CATSPERE: variants seen among roughly 807,000 people sequenced by gnomAD.
CATSPERE encodes the protein cation channel sperm-associated auxiliary subunit epsilon.
Under a neutral mutation model 114.1 loss-of-function variants are expected in CATSPERE, and 93 were observed. The observed-to-expected ratio is 0.81, with a 90% CI of 0.69 to 0.97. The LOEUF is 0.97. Ranked by LOEUF, CATSPERE falls within the 50% of genes least tolerant of loss-of-function variation. The probability of loss-of-function intolerance (pLI) is 0.00; values close to 1 mark genes in which losing one functional copy is unlikely to be tolerated. For missense variants in CATSPERE, 1,058 were observed against 1,131.6 expected (o/e 0.93, Z 0.93); for synonymous variants, 341 against 384.1 (o/e 0.89, Z 1.31).
chr1:244,495,370 C>T (rs943845880), intron 6 of CATSPERE, among the ~76,000 whole-genome samples: 4 of 152,068 alleles, frequency 2.6e-5, no homozygotes, highest in Non-Finnish European at 4.4e-5. Flanking sequence ...ATGAAAGTTT[C>T]GGCCTGTGGG....
At chr1:244,464,065 G>A (rs1033551002) in intron 2 of CATSPERE, 109 bp downstream of exon 2, 2 of 813,418 alleles carry the variant, frequency 2.5e-6, no homozygotes, top group East Asian at 2.7e-5. Flanking sequence ...TCACTCTTCT[G>A]TTTCGTTTCT....
At chr1:244,474,780 G>A (rs1572267325) in intron 2 of CATSPERE, among the ~76,000 whole-genome samples, 2 of 119,554 alleles carry the variant, frequency 1.7e-5, no homozygotes, top group Non-Finnish European at 1.6e-5. Flanking sequence ...GTCTTGCTCT[G>A]TCATCCAGGC....
chr1:244,532,760 T>C (rs1289095052), intron 8 of CATSPERE, among the ~76,000 whole-genome samples: 1 of 152,140 alleles, frequency 6.6e-6, no homozygotes, highest in Non-Finnish European at 1.5e-5. Context: ...TTTTAAGACT[T>C]GTTTTGTGGT....
intron 8 of CATSPERE, 54 bp from the exon 9 acceptor site, chr1:244,552,268 A>C: frequency 6.5e-7 from 1 of 1,539,522 alleles, no homozygotes; most frequent in Non-Finnish European, 8.7e-7. Flanking sequence ...CAACTGTACA[A>C]GATGGATCAG....
intron 20 of CATSPERE, among the ~76,000 whole-genome samples, chr1:244,628,130 T>C (rs979275141): frequency 2.0e-5 from 3 of 152,274 alleles, no homozygotes; most frequent in African/African-American, 7.2e-5. Context: ...TGTTCTATTT[T>C]ATTACTAGTT....
At chr1:244,561,183 T>C in intron 10 of CATSPERE, 38 bp downstream of exon 10, 1 of 1,356,850 alleles carries the variant, frequency 7.4e-7, no homozygotes, top group Non-Finnish European at 1.0e-6. Flanking sequence ...ATTCTAGATT[T>C]CACTATAGAC....
chr1:244,467,917 T>C (rs1441791802), intron 2 of CATSPERE, among the ~76,000 whole-genome samples: 1 of 152,166 alleles, frequency 6.6e-6, no homozygotes, highest in East Asian at 1.9e-4. Context: ...CTATGTAATA[T>C]ATATTTTCTT....
intron 17 of CATSPERE, among the ~76,000 whole-genome samples, chr1:244,595,982 G>A (rs1243164233): frequency 6.6e-6 from 1 of 152,160 alleles, no homozygotes; most frequent in African/African-American, 2.4e-5. Context: ...TGGGAGAGGG[G>A]TAGAGGATGA....
At chr1:244,561,270 T>C (rs1662520649) in intron 10 of CATSPERE, 125 bp downstream of exon 10, 1 of 681,992 alleles carries the variant, frequency 1.5e-6, no homozygotes, top group Middle Eastern at 4.2e-4. Flanking sequence ...GCACTTCTTA[T>C]CACCTACAAA....
intron 8 of CATSPERE, among the ~76,000 whole-genome samples, chr1:244,522,946 A>C (rs998505004): frequency 3.9e-5 from 6 of 152,142 alleles, no homozygotes; most frequent in African/African-American, 1.4e-4. Context: ...AACTATTCCA[A>C]TCAGTAGAAA....
At chr1:244,454,643 GTCTC>G (rs1010278602) in intron 1 of CATSPERE, 1 of 151,170 alleles carries the variant, frequency 6.6e-6, no homozygotes, top group African/African-American at 2.4e-5. Context: ...CCGGTTTGTG[GTCTC>G]TCTCTCTCTT....
At chr1:244,551,822 T>G (rs2148496092) in intron 8 of CATSPERE, among the ~76,000 whole-genome samples, 1 of 152,124 alleles carries the variant, frequency 6.6e-6, no homozygotes, top group Non-Finnish European at 1.5e-5. Flanking sequence ...CCCAGCACTT[T>G]GGGAGGCCGA....
intron 10 of CATSPERE, among the ~76,000 whole-genome samples, chr1:244,564,016 C>T (rs541236538): frequency 1.3e-5 from 2 of 152,292 alleles, no homozygotes; most frequent in African/African-American, 4.8e-5. Flanking sequence ...GGAATCCTTT[C>T]CCCATTGCTT....
chr1:244,554,716 T>C (rs1314835214), intron 9 of CATSPERE, among the ~76,000 whole-genome samples: 2 of 2,638 alleles, frequency 7.6e-4, no homozygotes, highest in African/African-American at 1.1e-3. Flanking sequence ...CACTTTTAAA[T>C]GGGATTTTTT....
At chr1:244,625,426 A>ATTTTTTTTTTTTTT (rs1326525192) in intron 20 of CATSPERE, among the ~76,000 whole-genome samples, 15 of 3,944 alleles carry the variant, frequency 3.8e-3, no homozygotes, top group Non-Finnish European at 7.2e-3. Flanking sequence ...ATATATATAT[A>ATTTTTTTTTTTTTT]TATATATTTT....
chr1:244,621,072 A>AAT (rs1386602724), intron 20 of CATSPERE, among the ~76,000 whole-genome samples: 1 of 67,638 alleles, frequency 1.5e-5, no homozygotes, highest in African/African-American at 6.3e-5. Context: ...ATATATATAA[A>AAT]ATATATATAT....
chr1:244,635,368 C>A, intron 20 of CATSPERE, 121 bp from the exon 21 acceptor site: 1 of 682,084 alleles, frequency 1.5e-6, no homozygotes. Context: ...TGTCCTTTGT[C>A]AAGAAAATGA....
intron 19 of CATSPERE, among the ~76,000 whole-genome samples, chr1:244,615,064 G>C (rs1236053485): frequency 1.3e-5 from 2 of 151,812 alleles, no homozygotes; most frequent in Non-Finnish European, 2.9e-5. Context: ...ATATTCCTGG[G>C]AGATTGGTAG....
intron 19 of CATSPERE, among the ~76,000 whole-genome samples, chr1:244,616,652 G>A (rs1671435621): frequency 1.3e-5 from 2 of 152,308 alleles, no homozygotes; most frequent in African/African-American, 2.4e-5. Context: ...CGTGACAACG[G>A]CATTATCTCA....
Sources: gnomAD v4.1 joint callset for allele counts (sites outside exome capture counted in the v4.1 genomes callset) on GRCh38, gnomAD v4.1.1 for gene constraint, MANE v1.5 for transcripts, NCBI Gene and HGNC (gene_info 2026-07-23, HGNC 2026-07-21) for gene names.